SSH2: variants seen among roughly 807,000 people sequenced by gnomAD.
SSH2 encodes protein phosphatase Slingshot homolog 2.
Under a neutral mutation model 135.2 loss-of-function variants are expected in SSH2, and 37 were observed. That is an observed-to-expected ratio of 0.27 (90% CI 0.21 to 0.36). The LOEUF is 0.36. Among genes scored for constraint, SSH2 ranks in the 10% least tolerant of loss-of-function variants. The pLI is 1.00. For missense variants in SSH2, 1,408 were observed against 1,765.3 expected (o/e 0.80, Z 3.63); for synonymous variants, 628 against 646.2 (o/e 0.97, Z 0.43).
rs114449892 is a variant in SSH2 at position 29,918,359 on chromosome 17, T to A, written c.63+11579A>T. 5.5e-3 allele frequency among the ~76,000 whole-genome samples: 844 copies of A among 152,282 alleles called. 7 individuals carry two copies. Among genetic ancestry groups the A allele is most frequent in the African/African-American group, 0.019 (798 of 41,550 alleles). On this transcript the variant is annotated intron_variant, in intron 1 of 15. Transcript: ENST00000540801. ...ACCTCCCTGAGACTCAGTTTCTTCA[T>A]CTGTAAATTGAGAACAATAATAGTA...
At chr17:29,884,407 A>G (rs866327407) in intron 1 of SSH2, among the ~76,000 whole-genome samples, 1 of 152,088 alleles carries the variant, frequency 6.6e-6, no homozygotes, top group Middle Eastern at 3.4e-3. Flanking sequence ...CCCCTTACAT[A>G]TGGGGGCTTT....
rs570155165 is a variant in SSH2 at position 29,717,416 on chromosome 17, G to A, written c.189-14354C>T. 3.9e-5 allele frequency among the ~76,000 whole-genome samples: 6 copies of A among 152,358 alleles called. No individual in the cohort carries two copies. The South Asian group carries it at 1.2e-3, about 32-fold the overall frequency. On this transcript the variant is annotated intron_variant, in intron 3 of 15. Coordinates refer to ENST00000540801, the MANE Select transcript of SSH2 (RefSeq NM_001282129.2). Reference sequence around the variant, plus strand: ...CTCCCAAGGTGAGGAGATTATAGGTGTGAGCCACTGCGCTCAGCCCATTGA... The same window carrying A: ...CTCCCAAGGTGAGGAGATTATAGGTATGAGCCACTGCGCTCAGCCCATTGA...
chr17:29,914,812 C>CGTG (rs1450523067), intron 1 of SSH2, among the ~76,000 whole-genome samples: 2 of 152,168 alleles, frequency 1.3e-5, no homozygotes, highest in African/African-American at 4.8e-5. Context: ...CTTCATTACA[C>CGTG]ATGACTTCAT....
intron 3 of SSH2, among the ~76,000 whole-genome samples, chr17:29,790,625 C>A (rs1272495225): frequency 6.6e-6 from 1 of 152,070 alleles, no homozygotes; most frequent in East Asian, 1.9e-4. Flanking sequence ...TCTTTTGATG[C>A]ACAGAAGTTT....
At chr17:29,721,515 GTCTTT>G (rs931781055) in intron 3 of SSH2, among the ~76,000 whole-genome samples, 1 of 152,176 alleles carries the variant, frequency 6.6e-6, no homozygotes, top group African/African-American at 2.4e-5. Flanking sequence ...AATTCTGAGG[GTCTTT>G]TGTTTTCTCA....
intron 2 of SSH2, among the ~76,000 whole-genome samples, chr17:29,828,225 C>A (rs551806031): frequency 1.2e-4 from 19 of 152,222 alleles, no homozygotes; most frequent in Non-Finnish European, 2.5e-4. Context: ...ATTGACTACA[C>A]AAGAAACTTT....
chr17:29,637,885 G>A (rs867859645), intron 14 of SSH2, among the ~76,000 whole-genome samples: 3 of 152,034 alleles, frequency 2.0e-5, no homozygotes, highest in Non-Finnish European at 2.9e-5. Flanking sequence ...AGGCTAAGGC[G>A]GGCGGATCGC....
chr17:29,825,788 T>C (rs1473247773), intron 2 of SSH2, among the ~76,000 whole-genome samples: 1 of 152,316 alleles, frequency 6.6e-6, no homozygotes, highest in African/African-American at 2.4e-5. Flanking sequence ...AGTGCTTACA[T>C]AGTGTCTGAG....
chr17:29,650,689 G>C lies in SSH2; in HGVS notation c.1191C>G (p.Tyr397Ter). The C allele has an allele frequency of 6.2e-7, 1 of 1,613,892 alleles. No homozygotes were observed. Among genetic ancestry groups the C allele is most frequent in the Non-Finnish European group, 8.5e-7 (1 of 1,179,918 alleles). The change falls in exon 13 of 16, where the codon TAC becomes TAG. Residue 397 changes from tyrosine to a stop codon, truncating the protein, a stop_gained. Transcript: ENST00000540801. LOFTEE classifies it high-confidence loss of function. ...YDEEATDLLA[Y>*]WNDTYKFISK... ...AGATGAATTTGTAAGTGTCATTCCAGTACGCCAGGAGATCCGTTGCCTCTT... is the reference window on the plus strand; with the variant it reads ...AGATGAATTTGTAAGTGTCATTCCACTACGCCAGGAGATCCGTTGCCTCTT...
At chr17:29,644,967 C>G (rs181270363) in intron 14 of SSH2, 34 of 152,182 alleles carry the variant, frequency 2.2e-4, no homozygotes, top group Admixed American at 1.3e-3. Flanking sequence ...CCAGAAAACA[C>G]CACAATATAG....
rs144643694 is a variant in SSH2, at chr17:29,636,533, G to T, written c.1697C>A (p.Ala566Asp). 4.3e-3 allele frequency: 6,889 copies of T among 1,614,158 alleles called. 44 individuals carry two copies. Among genetic ancestry groups the T allele is most frequent in the Middle Eastern group, 5.6e-3 (34 of 6,062 alleles). ...GTTTAATTCATCCTCAATCTGTCCA[G>T]CATGAAATTCCCTAGAAGTAAACTC... ...CLEFTSREFH[A>D]GQIEDELNLN... Residue 566 changes from alanine to aspartate, a missense_variant, in exon 15 of 16, where the codon GCT becomes GAT. Transcript: ENST00000540801.
In SSH2 at chr17:29,744,935, T is replaced by C. The variant is rs140072329; in HGVS notation, c.189-41873A>G. Among the ~76,000 whole-genome samples the C allele has an allele frequency of 5.3e-5, 8 of 151,262 alleles. No individual in the cohort carries two copies. In the East Asian group the frequency reaches 5.8e-4, roughly 11 times the overall value. ...AACAAACCATAAAGCCACTAGCAGA[T>C]AGTTTAATGATTTCTGTTCTTGTGT... On this transcript the variant is annotated intron_variant, in intron 3 of 15. Coordinates refer to ENST00000540801, the MANE Select transcript of SSH2 (RefSeq NM_001282129.2).
At chr17:29,666,770 A>G in intron 11 of SSH2, 97 bp downstream of exon 11, 1 of 1,185,706 alleles carries the variant, frequency 8.4e-7, no homozygotes, top group Non-Finnish European at 1.2e-6. Flanking sequence ...AGTAAGTTAC[A>G]TTTTATTTAT....
chr17:29,637,719 A>C (rs1024544999), intron 14 of SSH2, among the ~76,000 whole-genome samples: 3 of 152,014 alleles, frequency 2.0e-5, no homozygotes, highest in African/African-American at 7.2e-5. Context: ...GAGGGTGAGG[A>C]TGCAGTGAGC....
intron 4 of SSH2, among the ~76,000 whole-genome samples, chr17:29,702,326 C>G (rs922255854): frequency 2.7e-5 from 4 of 148,806 alleles, no homozygotes; most frequent in Non-Finnish European, 5.9e-5. Context: ...GCACTCTAGC[C>G]TGGGTGACAG....
intron 3 of SSH2, among the ~76,000 whole-genome samples, chr17:29,748,887 T>C (rs2040842497): frequency 6.6e-6 from 1 of 152,182 alleles, no homozygotes; most frequent in African/African-American, 2.4e-5. Context: ...GATCCCTAAA[T>C]GCAAAACCTT....
rs1468357065 is a variant in SSH2, at chr17:29,636,725, G to C, written c.1505C>G (p.Pro502Arg). The change falls in exon 15 of 16, where the codon CCT (proline) becomes CGT (arginine). Residue 502 changes from proline to arginine, a missense_variant. This residue lies in a region of SSH2 where 1,080 missense variants were observed against 1,144.5 expected (regional missense o/e 0.94). Transcript: ENST00000540801. ...ATCCTTCTTGTTGAGTTCTAGCCCA[G>C]GTTTGCAGATGGGTTCGTGGTGGTC... ...LSDHHEPICK[P>R]GLELNKKDIT... 1 of 1,614,008 alleles carries C rather than the reference G, an allele frequency of 6.2e-7. No homozygotes were observed. Among genetic ancestry groups the C allele is most frequent in the Non-Finnish European group, 8.5e-7 (1 of 1,180,040 alleles).
At chr17:29,778,633 T>C (rs2041763826) in intron 3 of SSH2, among the ~76,000 whole-genome samples, 1 of 147,826 alleles carries the variant, frequency 6.8e-6, no homozygotes, top group African/African-American at 2.5e-5. Context: ...AGAGTGAGAT[T>C]CTGTCTAAAA....
At chr17:29,738,919 T>C (rs1019326262) in intron 3 of SSH2, among the ~76,000 whole-genome samples, 6 of 152,338 alleles carry the variant, frequency 3.9e-5, no homozygotes, top group South Asian at 2.1e-4. Flanking sequence ...AAAAGCATAA[T>C]TGTTTGAATC....
Sources: gnomAD v4.1 joint callset for allele counts (sites outside exome capture counted in the v4.1 genomes callset) on GRCh38, gnomAD v4.1.1 for gene constraint, gnomAD v4.1.1 regional missense constraint, MANE v1.5 for transcripts, NCBI Gene and HGNC (gene_info 2026-07-23, HGNC 2026-07-21) for gene names.